Variants in NEFH observed in about 807,000 individuals in gnomAD.
The protein encoded by NEFH is neurofilament heavy polypeptide.
In NEFH, 58 loss-of-function variants were observed where a neutral mutation model predicts 56.6. The ratio of observed to expected loss-of-function variants is 1.03; its 90% CI spans 0.83 to 1.28. The LOEUF is 1.28. Ranked by LOEUF, NEFH falls within the 50% of genes most tolerant of loss-of-function variation. The pLI, the probability that NEFH is intolerant of heterozygous loss-of-function variation, is 0.00. For missense variants in NEFH, 1,221 were observed against 1,307.6 expected, an observed-to-expected ratio of 0.93 and a Z score of 1.02; for synonymous variants, 542 against 545.8, an observed-to-expected ratio of 0.99 and a Z score of 0.10.
intron 2 of NEFH, among the ~76,000 whole-genome samples, chr22:29,484,672 T>TA (rs1273203992): frequency 1.3e-5 from 2 of 151,874 alleles, no homozygotes; most frequent in South Asian, 4.2e-4. Flanking sequence ...TTAAAAAAAT[T>TA]AAAAAAATTA....
intron 3 of NEFH, among the ~76,000 whole-genome samples, chr22:29,487,098 A>T (rs1304338716): frequency 1.3e-5 from 2 of 152,068 alleles, no homozygotes; most frequent in Non-Finnish European, 2.9e-5. Context: ...CAGGAAGCAC[A>T]GGTACCACTG....
At chr22:29,484,928 G>A (rs752628924) in intron 2 of NEFH, among the ~76,000 whole-genome samples, 1 of 151,756 alleles carries the variant, frequency 6.6e-6, no homozygotes, top group Non-Finnish European at 1.5e-5. Flanking sequence ...TTGTACTTCC[G>A]GGCTCAAGTA....
intron 2 of NEFH, among the ~76,000 whole-genome samples, chr22:29,484,624 C>T (rs1335502561): frequency 6.6e-6 from 1 of 151,964 alleles, no homozygotes; most frequent in Admixed American, 6.6e-5. Flanking sequence ...CCAGCCTGGG[C>T]GACAGAGCGA....
chr22:29,480,613 G>C lies in NEFH; in HGVS notation c.351G>C (p.Gln117His). The C allele has an allele frequency of 6.4e-7, 1 of 1,563,902 alleles. No individual in the cohort carries two copies. Among genetic ancestry groups the C allele is most frequent in the South Asian group, 1.2e-5 (1 of 86,300 alleles). ...CCGGGTACATCGACAAGGTGCGGCA[G>C]CTGGAGGCGCACAACCGCAGCCTGG... ...RFAGYIDKVR[Q>H]LEAHNRSLEG... The change falls in exon 1 of 4, where the codon CAG becomes CAC. Residue 117 changes from glutamine (Q) to histidine (H), a missense_variant. Gln to His is a conservative substitution (Grantham distance 24). Coordinates refer to ENST00000310624, the MANE Select transcript of NEFH (RefSeq NM_021076.4).
rs1429759994 is a variant in NEFH, at chr22:29,490,795, G to C, written c.*92G>C. 6.4e-7 allele frequency: 1 copy of C among 1,572,228 alleles called. No individual in the cohort carries two copies. On this transcript the variant is annotated 3_prime_UTR_variant, in exon 4 of 4. Coordinates refer to ENST00000310624, the MANE Select transcript of NEFH (RefSeq NM_021076.4). Reference sequence around the variant, plus strand: ...GAGTAACACAATTTTCACTTTTTCTGTCTTTATGTAAGAAGAAACTGCTTA... The same window carrying C: ...GAGTAACACAATTTTCACTTTTTCTCTCTTTATGTAAGAAGAAACTGCTTA...
rs2063069040 is a variant in NEFH at position 29,489,847 on chromosome 22, C to T, written c.2207C>T (p.Ala736Val). The T allele has an allele frequency of 6.3e-7, 1 of 1,584,680 alleles. No individual in the cohort carries two copies. The highest frequency in any genetic ancestry group is 2.3e-5 in the East Asian group (1 of 42,950). ...VKEEAKTPEK[A>V]KSPVKEEAKS... ...GAAGAAGCAAAGACCCCCGAGAAGG[C>T]CAAGTCCCCAGTGAAGGAAGAAGCT... Residue 736 changes from alanine to valine, a missense_variant, in exon 4 of 4, where the codon GCC becomes GTC. This residue lies in a region of NEFH where 301 missense variants were observed against 346.6 expected (regional missense o/e 0.87). Transcript: ENST00000310624.
In NEFH at chr22:29,488,986, A is replaced by G. The variant is rs770293523; in HGVS notation, c.1346A>G (p.Lys449Arg). ...KSEEKIKVVE[K>R]SEKETVIVEE... ...GAAGAGAAGATCAAAGTGGTGGAGA[A>G]GTCTGAGAAAGAAACTGTGATTGTG... The change falls in exon 4 of 4, where the codon AAG becomes AGG. Residue 449 changes from lysine to arginine, a missense_variant. Physicochemically the swap from Lys to Arg is conservative, Grantham distance 26. Transcript: ENST00000310624. The G allele has an allele frequency of 2.4e-5, 38 of 1,614,120 alleles. No homozygotes were observed. Among genetic ancestry groups the G allele is most frequent in the Middle Eastern group, 3.3e-4 (2 of 6,084 alleles).
chr22:29,484,816 G>A (rs572936811), intron 2 of NEFH, among the ~76,000 whole-genome samples: 1 of 151,654 alleles, frequency 6.6e-6, no homozygotes, highest in African/African-American at 2.4e-5. Context: ...AGCAGGCAAG[G>A]CCCTGCTCCC....
chr22:29,482,066 A>C (rs2063014342), intron 1 of NEFH, among the ~76,000 whole-genome samples: 1 of 152,220 alleles, frequency 6.6e-6, no homozygotes, highest in Non-Finnish European at 1.5e-5. Flanking sequence ...GTGATTTTCC[A>C]AAAGCATCTG....
At chr22:29,488,598 C>G (rs1445286672) in intron 3 of NEFH, among the ~76,000 whole-genome samples, 1 of 151,998 alleles carries the variant, frequency 6.6e-6, no homozygotes, top group African/African-American at 2.4e-5. Flanking sequence ...CTGGGCAACA[C>G]AGTGAGACCC....
chr22:29,481,354 C>T (rs1373636600), intron 1 of NEFH, among the ~76,000 whole-genome samples: 4 of 152,186 alleles, frequency 2.6e-5, no homozygotes, highest in Non-Finnish European at 5.9e-5. Context: ...CCTTCGGTTC[C>T]CCCTTTCCAG....
chr22:29,481,412 C>T (rs1237701616), intron 1 of NEFH, among the ~76,000 whole-genome samples: 2 of 152,134 alleles, frequency 1.3e-5, no homozygotes, highest in South Asian at 4.1e-4. Context: ...TGCTCTCTAC[C>T]CCAAGCTTAG....
chr22:29,484,569 C>A (rs577625245), intron 2 of NEFH, among the ~76,000 whole-genome samples: 3 of 152,162 alleles, frequency 2.0e-5, no homozygotes, highest in African/African-American at 7.2e-5. Context: ...TTCAACTGAA[C>A]CTGGGAGATG....
chr22:29,483,248 C>T (rs2063022194), intron 1 of NEFH, 127 bp from the exon 2 acceptor site: 2 of 888,880 alleles, frequency 2.3e-6, no homozygotes, highest in Non-Finnish European at 3.5e-6. Context: ...CACTGCCCTC[C>T]AGCCTGGGCG....
intron 1 of NEFH, among the ~76,000 whole-genome samples, chr22:29,482,815 T>G (rs1046874988): frequency 2.0e-5 from 3 of 152,134 alleles, no homozygotes; most frequent in African/African-American, 7.2e-5. Flanking sequence ...GATCCCACAC[T>G]GGGGGAGACA....
In NEFH at chr22:29,480,977, G is replaced by A. The variant is rs1185571736; in HGVS notation, c.715G>A (p.Gly239Ser). The change falls in exon 1 of 4, where the codon GGC becomes AGC. Residue 239 changes from glycine to serine, a missense_variant. This residue lies in a region of NEFH where 640 missense variants were observed against 555.5 expected (regional missense o/e 1.15). Coordinates refer to ENST00000310624, the MANE Select transcript of NEFH (RefSeq NM_021076.4). ...YLRRHHQEEV[G>S]ELLGQIQGSG... ...GCGGCGCCACCACCAGGAAGAGGTG[G>A]GCGAGCTGCTCGGCCAGATCCAGGG... 1.7e-5 allele frequency: 26 copies of A among 1,531,894 alleles called. No individual in the cohort carries two copies. The highest frequency in any genetic ancestry group is 2.3e-5 in the Non-Finnish European group (26 of 1,145,598). The allele number at this position is 1,531,894 out of a possible 1,614,324, so 94.9% of individuals were successfully genotyped here.
chr22:29,480,389 T>C lies in NEFH; in HGVS notation c.127T>C (p.Ser43Pro), dbSNP rs1438730913. 6.5e-7 allele frequency: 1 copy of C among 1,536,030 alleles called. No homozygotes were observed. Among genetic ancestry groups the C allele is most frequent in the African/African-American group, 1.4e-5 (1 of 72,644 alleles). ...GAGGTRSAAGSSSGFHSWTRT... is the reference protein window; with the variant it reads ...GAGGTRSAAGPSSGFHSWTRT... ...AGGCGGGACGCGCTCCGCCGCTGGC[T>C]CCTCCAGCGGCTTCCACTCGTGGAC... Residue 43 changes from serine to proline, a missense_variant, in exon 1 of 4, where the codon TCC becomes CCC. Ser to Pro is a moderately conservative substitution (Grantham distance 74, BLOSUM62 -1). This residue lies in a region of NEFH where 640 missense variants were observed against 555.5 expected (regional missense o/e 1.15). Coordinates refer to ENST00000310624, the MANE Select transcript of NEFH (RefSeq NM_021076.4).
Position 29,488,959 on chromosome 22 carries a change from G to A in NEFH, c.1319G>A (p.Ser440Asn), listed in dbSNP as rs771384348. The stretch of plus-strand genomic sequence containing the variant: ...GTGTCCACTCACATAAAGGTGAAAA[G>A]CGAAGAGAAGATCAAAGTGGTGGAG... ...PSVSTHIKVK[S>N]EEKIKVVEKS... Residue 440 changes from serine (S) to asparagine (N), a missense_variant, in exon 4 of 4, where the codon AGC becomes AAC. By Grantham distance (46) the Ser-to-Asn change is conservative (BLOSUM62 1). Coordinates refer to ENST00000310624, the MANE Select transcript of NEFH (RefSeq NM_021076.4). 11 of 1,614,192 alleles carry A rather than the reference G, an allele frequency of 6.8e-6. No individual in the cohort carries two copies. The East Asian group carries it at 2.5e-4, about 36-fold the overall frequency.
chr22:29,480,790 GGACATCGC>G lies in NEFH; in HGVS notation c.530_537del (p.Asp177AlafsTer100), dbSNP rs2063000983. The G allele has an allele frequency of 2.8e-6, 4 of 1,424,798 alleles. No individual in the cohort carries two copies. The highest frequency in any genetic ancestry group is 3.6e-6 in the Non-Finnish European group (4 of 1,100,282). 88.3% of individuals were successfully genotyped at this position (1,424,798 alleles called of 1,614,324 possible). A position where few individuals can be genotyped will look rare whatever the true frequency, so the allele number is the denominator to read the frequency against. On this transcript the variant is annotated frameshift_variant, in exon 1 of 4. Coordinates refer to ENST00000310624, the MANE Select transcript of NEFH (RefSeq NM_021076.4). LOFTEE classifies it high-confidence loss of function. ...GCCTGGAGCAGGAGCACCTGCTCGA[GGACATCGC>G]GCACGTGCGCCAGCGCCTAGACGAC...
Sources: allele counts gnomAD v4.1 joint callset (sites outside exome capture counted in the v4.1 genomes callset), GRCh38; gene constraint gnomAD v4.1.1; regional missense constraint gnomAD v4.1.1; transcripts MANE v1.5; gene names NCBI Gene and HGNC (gene_info 2026-07-23, HGNC 2026-07-21).